DPYD: variants seen among roughly 807,000 people sequenced by gnomAD.
The protein encoded by DPYD is dihydropyrimidine dehydrogenase.
In DPYD, 109 loss-of-function variants were observed where a neutral mutation model predicts 116.2. The ratio of observed to expected loss-of-function variants is 0.94; its 90% CI spans 0.80 to 1.10. The LOEUF (loss-of-function observed/expected upper bound fraction) is 1.10. DPYD is among the 50% of genes least tolerant of loss of function. The pLI is 0.00. For synonymous variants in DPYD, 440 were observed against 432.0 expected, an observed-to-expected ratio of 1.02 and a Z score of -0.23; for missense variants, 1,302 against 1,254.5, an observed-to-expected ratio of 1.04 and a Z score of -0.57.
chr1:97,195,665 T>TGC (rs2101831592), intron 19 of DPYD, among the ~76,000 whole-genome samples: 1 of 52,258 alleles, frequency 1.9e-5, no homozygotes, highest in African/African-American at 8.8e-5. Flanking sequence ...TATATATATA[T>TGC]ATATATATAT....
chr1:97,800,974 A>C (rs1667817670), intron 3 of DPYD, among the ~76,000 whole-genome samples: 1 of 151,962 alleles, frequency 6.6e-6, no homozygotes, highest in African/African-American at 2.4e-5. Context: ...TTTGTCATCT[A>C]TAGTGACAAT....
chr1:97,841,179 T>C (rs1241902852), intron 2 of DPYD, among the ~76,000 whole-genome samples: 1 of 152,042 alleles, frequency 6.6e-6, no homozygotes, highest in Non-Finnish European at 1.5e-5. Flanking sequence ...AATTTGAAAA[T>C]TGAATGAAGA....
chr1:97,778,365 T>C (rs1666543573), intron 3 of DPYD, among the ~76,000 whole-genome samples: 1 of 152,090 alleles, frequency 6.6e-6, no homozygotes, highest in East Asian at 1.9e-4. Flanking sequence ...GTGGTAAACA[T>C]TATATTATCT....
intron 14 of DPYD, among the ~76,000 whole-genome samples, chr1:97,382,716 T>G (rs1186181346): frequency 6.6e-6 from 1 of 152,190 alleles, no homozygotes; most frequent in African/African-American, 2.4e-5. Context: ...TTAACTTTTC[T>G]GATCCTCAGC....
chr1:97,440,065 C>T (rs923973134), intron 14 of DPYD, among the ~76,000 whole-genome samples: 18 of 152,112 alleles, frequency 1.2e-4, no homozygotes, highest in Admixed American at 4.6e-4. Context: ...CACCTGAGGT[C>T]GGGAGTTCGA....
At chr1:97,810,168 T>G (rs947970785) in intron 3 of DPYD, among the ~76,000 whole-genome samples, 1 of 150,290 alleles carries the variant, frequency 6.7e-6, no homozygotes, top group African/African-American at 2.4e-5. Context: ...GCGCCTGTAG[T>G]CCCAGCTACT....
chr1:97,520,059 T>C (rs1237503689), intron 12 of DPYD, among the ~76,000 whole-genome samples: 1 of 152,200 alleles, frequency 6.6e-6, no homozygotes, highest in Non-Finnish European at 1.5e-5. Flanking sequence ...TTTCTTTGCA[T>C]GGCATAGTCT....
At chr1:97,612,782 C>G (rs1656027229) in intron 8 of DPYD, among the ~76,000 whole-genome samples, 1 of 151,984 alleles carries the variant, frequency 6.6e-6, no homozygotes, top group Admixed American at 6.6e-5. Context: ...CTTGTTTCTT[C>G]AATCCCTCAT....
intron 14 of DPYD, among the ~76,000 whole-genome samples, chr1:97,444,698 C>G (rs1279569964): frequency 6.6e-6 from 1 of 152,044 alleles, no homozygotes; most frequent in Non-Finnish European, 1.5e-5. Context: ...TAGGGCCTAA[C>G]CATAAGTATC....
At chr1:97,552,143 C>G (rs1022370783) in intron 11 of DPYD, among the ~76,000 whole-genome samples, 10 of 152,030 alleles carry the variant, frequency 6.6e-5, no homozygotes, top group Admixed American at 6.6e-4. Context: ...TTGCATGGGA[C>G]TCTTTCAAAG....
At chr1:97,463,976 T>G (rs1341338484) in intron 13 of DPYD, among the ~76,000 whole-genome samples, 2 of 152,114 alleles carry the variant, frequency 1.3e-5, no homozygotes, top group East Asian at 3.9e-4. Context: ...TGGTGGCTCA[T>G]GCCTGTAACA....
chr1:97,231,886 C>T (rs1661610310), intron 19 of DPYD, among the ~76,000 whole-genome samples: 2 of 152,116 alleles, frequency 1.3e-5, no homozygotes, highest in Admixed American at 1.3e-4. Context: ...TTCTGAAACC[C>T]ACTCATAACT....
chr1:97,234,241 A>T (rs1300493317), intron 19 of DPYD, among the ~76,000 whole-genome samples: 1 of 152,138 alleles, frequency 6.6e-6, no homozygotes, highest in East Asian at 1.9e-4. Context: ...CATTATTTTT[A>T]AAAAGTATAT....
At position 97,156,748 on chromosome 1, in the gene DPYD, C is replaced by T. The variant is rs529656361; in HGVS notation, c.2622+36321G>A. ...CCTAGAACTAGAAATACCATTTGAC[C>T]CAGCCATCCCATTACTGGGTATATA... is the stretch of plus-strand genomic sequence containing the variant. On this transcript the variant is annotated intron_variant, in intron 20 of 22. Coordinates refer to ENST00000370192, the MANE Select transcript of DPYD (RefSeq NM_000110.4). Among the ~76,000 whole-genome samples, 9 of 151,894 alleles carry T rather than the reference C, an allele frequency of 5.9e-5. No individual in the cohort carries two copies. In the South Asian group the frequency reaches 1.5e-3, roughly 25 times the overall value.
chr1:97,566,702 C>G (rs981806262), intron 11 of DPYD, among the ~76,000 whole-genome samples: 1 of 152,008 alleles, frequency 6.6e-6, no homozygotes, highest in African/African-American at 2.4e-5. Flanking sequence ...TCCCCCTTCC[C>G]CTTTATTTTT....
chr1:97,385,780 AG>A (rs1329667760), intron 14 of DPYD, among the ~76,000 whole-genome samples: 2 of 152,140 alleles, frequency 1.3e-5, no homozygotes, highest in Non-Finnish European at 2.9e-5. Flanking sequence ...CAGGGAAGCA[AG>A]GTTTAGCAGC....
chr1:97,222,648 A>G (rs1379162058), intron 19 of DPYD, among the ~76,000 whole-genome samples: 1 of 152,168 alleles, frequency 6.6e-6, no homozygotes, highest in Non-Finnish European at 1.5e-5. Flanking sequence ...CAATTAGAAC[A>G]TCATTGAATG....
rs1312584714 is a variant in DPYD at position 97,617,544 on chromosome 1, C to A, written c.851-22378G>T. Among the ~76,000 whole-genome samples the A allele has an allele frequency of 2.0e-5, 3 of 152,262 alleles. No homozygotes were observed. The East Asian group carries it at 5.8e-4, about 29-fold the overall frequency. On this transcript the variant is annotated intron_variant, in intron 8 of 22. Coordinates refer to ENST00000370192, the MANE Select transcript of DPYD (RefSeq NM_000110.4). ...GGTGGTCTCTAGGTCCAGTGAAAAACACCAACATTGAGAGTAAGTTCAGGG... is the reference window on the plus strand; with the variant it reads ...GGTGGTCTCTAGGTCCAGTGAAAAAAACCAACATTGAGAGTAAGTTCAGGG...
intron 20 of DPYD, among the ~76,000 whole-genome samples, chr1:97,176,206 G>C (rs1053377349): frequency 7.9e-5 from 12 of 152,178 alleles, no homozygotes; most frequent in African/African-American, 2.4e-4. Flanking sequence ...TCAGAAAAGT[G>C]GGGGGAGAGT....
Sources: gnomAD v4.1 joint callset for allele counts (sites outside exome capture counted in the v4.1 genomes callset) on GRCh38, gnomAD v4.1.1 for gene constraint, MANE v1.5 for transcripts, NCBI Gene and HGNC (gene_info 2026-07-23, HGNC 2026-07-21) for gene names.